PSMA2: variants seen among roughly 807,000 people sequenced by gnomAD.
PSMA2 encodes proteasome 20S subunit alpha 2.
PSMA2 carries 2 observed loss-of-function variants against 35.9 expected under a neutral mutation model. The observed-to-expected ratio is 0.06, with a 90% confidence interval of 0.02 to 0.18. The LOEUF (loss-of-function observed/expected upper bound fraction) is 0.18. Among genes scored for constraint, PSMA2 ranks in the 10% least tolerant of loss-of-function variants. The pLI is 1.00. For synonymous variants in PSMA2, 97 were observed against 98.2 expected, an observed-to-expected ratio of 0.99 and a Z score of 0.07; for missense variants, 126 against 278.8, an observed-to-expected ratio of 0.45 and a Z score of 3.90.
At chr7:42,930,755 A>G (rs1181516964) in intron 1 of PSMA2, among the ~76,000 whole-genome samples, 1 of 151,530 alleles carries the variant, frequency 6.6e-6, no homozygotes, top group Non-Finnish European at 1.5e-5. Context: ...AGTCCCAGCT[A>G]CTCCAGAGAC....
intron 6 of PSMA2, chr7:42,918,357 T>C (rs1266165278): frequency 1.3e-5 from 2 of 152,182 alleles, no homozygotes; most frequent in Admixed American, 6.5e-5. Context: ...GTATAAATAT[T>C]TTAACAATCA....
chr7:42,932,141 G>A lies in PSMA2; in HGVS notation c.18C>T (p.Tyr6=), dbSNP rs760071504. 5.0e-6 allele frequency: 8 copies of A among 1,614,176 alleles called. No homozygotes were observed. The highest frequency in any genetic ancestry group is 2.2e-5 in the East Asian group (1 of 44,874). The change falls in exon 1 of 8, where the codon TAC becomes TAT. Residue 6 remains tyrosine, a synonymous_variant. Coordinates refer to ENST00000223321, the MANE Select transcript of PSMA2 (RefSeq NM_002787.5). The part of the protein sequence containing the change: MAERG[Y]SFSLTTFSPS... Reference sequence around the variant, plus strand: ...ACCTGAATGTAGTCAGCGAAAAGCTGTACCCGCGCTCCGCCATCTTTACCC... The same window carrying A: ...ACCTGAATGTAGTCAGCGAAAAGCTATACCCGCGCTCCGCCATCTTTACCC...
chr7:42,919,429 T>C, intron 6 of PSMA2: 1 of 552,390 alleles, frequency 1.8e-6, no homozygotes, highest in Non-Finnish European at 3.6e-6. Flanking sequence ...ATATATGACT[T>C]GAACAAACCC....
chr7:42,930,752 G>C (rs1786292095), intron 1 of PSMA2, among the ~76,000 whole-genome samples: 1 of 151,384 alleles, frequency 6.6e-6, no homozygotes. Context: ...TCTAGTCCCA[G>C]CTACTCCAGA....
Position 42,926,595 on chromosome 7 carries a change from T to C in PSMA2, c.192A>G (p.Lys64=), listed in dbSNP as rs530224580. ...CTATATGCTTGGTAATTGGTTCTAC[T>C]TTGTGTACACTTCGCTCATCATACA... is the stretch of plus-strand genomic sequence containing the variant. ...SILYDERSVH[K]VEPITKHIGL... Residue 64 remains lysine (K), a synonymous_variant, in exon 3 of 8, where the codon AAA becomes AAG. Transcript: ENST00000223321. 5.0e-6 allele frequency: 8 copies of C among 1,612,580 alleles called. No homozygotes were observed. The South Asian group carries it at 8.8e-5, about 18-fold the overall frequency.
At chr7:42,920,064 T>C (rs1241551553) in intron 6 of PSMA2, 14 of 623,098 alleles carry the variant, frequency 2.2e-5, no homozygotes, top group South Asian at 1.6e-4. Flanking sequence ...ATTCCATCTA[T>C]TCTTCAACTC....
intron 1 of PSMA2, chr7:42,930,964 C>T (rs2128675242): frequency 3.5e-6 from 1 of 286,200 alleles, no homozygotes; most frequent in South Asian, 2.8e-5. Flanking sequence ...AAAACTATTA[C>T]ATACACCCAC....
chr7:42,925,350 T>A (rs1185306359), intron 3 of PSMA2, among the ~76,000 whole-genome samples: 1 of 152,210 alleles, frequency 6.6e-6, no homozygotes, highest in East Asian at 1.9e-4. Flanking sequence ...GGCAGGAAGA[T>A]CACTTGAGGC....
rs991825045 is a variant in PSMA2 at position 42,927,076 on chromosome 7, T to A, written c.118+307A>T. Among the ~76,000 whole-genome samples the A allele has an allele frequency of 2.0e-5, 3 of 151,922 alleles. No homozygotes were observed. The East Asian group carries it at 5.9e-4, about 30-fold the overall frequency. ...TTTATAATTAAGCTTTCCTAAATTA[T>A]AAGGATAAAAACTGCCAGGAAGTAG... On this transcript the variant is annotated intron_variant, in intron 2 of 7. Transcript: ENST00000223321.
At chr7:42,931,191 G>T in intron 1 of PSMA2, 1 of 451,090 alleles carries the variant, frequency 2.2e-6, no homozygotes. Flanking sequence ...GGAAAGAGAT[G>T]GAGCAGGTTA....
intron 1 of PSMA2, among the ~76,000 whole-genome samples, chr7:42,931,329 CCAGT>C (rs1255477865): frequency 2.6e-5 from 4 of 152,150 alleles, no homozygotes; most frequent in Non-Finnish European, 5.9e-5. Flanking sequence ...GAAAACTTCC[CCAGT>C]CAATTTTTAA....
At chr7:42,931,244 CG>C in intron 1 of PSMA2, 1 of 398,996 alleles carries the variant, frequency 2.5e-6, no homozygotes, top group Non-Finnish European at 5.0e-6. Context: ...AGTTAGATCC[CG>C]CCTGCCTTCA....
chr7:42,927,588 A>T, intron 1 of PSMA2, 129 bp from the exon 2 acceptor site: 14 of 803,638 alleles, frequency 1.7e-5, no homozygotes, highest in Admixed American at 1.0e-4. Context: ...CTGGCCTTTG[A>T]CCTCTATCAT....
chr7:42,917,520 C>T lies in PSMA2; in HGVS notation c.*54G>A, dbSNP rs760133115. The T allele has an allele frequency of 7.5e-7, 1 of 1,336,306 alleles. No individual in the cohort carries two copies. The highest frequency in any genetic ancestry group is 1.5e-5 in the African/African-American group (1 of 68,838). The allele number at this position is 1,336,306 out of a possible 1,614,324, so 82.8% of individuals were successfully genotyped here. On this transcript the variant is annotated 3_prime_UTR_variant, in exon 8 of 8. Coordinates refer to ENST00000223321, the MANE Select transcript of PSMA2 (RefSeq NM_002787.5). ...TCTGCAAAACAAAACATACTTTAAA[C>T]ATGTTTAAGTAGATAGATTATCTGA...
At chr7:42,927,579 T>C in intron 1 of PSMA2, 120 bp from the exon 2 acceptor site, 1 of 947,832 alleles carries the variant, frequency 1.1e-6, no homozygotes, top group Non-Finnish European at 1.6e-6. Context: ...AGGGAGTAAC[T>C]GGCCTTTGAC....
intron 6 of PSMA2, chr7:42,918,383 A>G (rs1786067058): frequency 6.6e-6 from 1 of 152,224 alleles, no homozygotes; most frequent in Admixed American, 6.5e-5. Context: ...TGGTGGCATT[A>G]TTATAATTTT....
intron 5 of PSMA2, among the ~76,000 whole-genome samples, chr7:42,922,752 C>T (rs2162603): frequency 0.084 from 12,747 of 152,208 alleles, 617 homozygotes; most frequent in Middle Eastern, 0.13. Context: ...CATGAAAGAT[C>T]ATTTCCTAAT....
At chr7:42,926,727 T>C (rs1786223485) in intron 2 of PSMA2, 59 bp from the exon 3 acceptor site, 2 of 1,494,058 alleles carry the variant, frequency 1.3e-6, no homozygotes, top group Non-Finnish European at 8.9e-7. Flanking sequence ...TTTTAACAGC[T>C]TTCTAATTAT....
chr7:42,919,449 C>A (rs1301300100), intron 6 of PSMA2: 1 of 540,534 alleles, frequency 1.9e-6, no homozygotes, highest in Admixed American at 2.0e-5. Context: ...CGAAGCAGAA[C>A]CTGAGGAAAT....
Sources: allele counts gnomAD v4.1 joint callset (sites outside exome capture counted in the v4.1 genomes callset), GRCh38; gene constraint gnomAD v4.1.1; transcripts MANE v1.5; gene names NCBI Gene and HGNC (gene_info 2026-07-23, HGNC 2026-07-21).